The following ZNF738 variants were observed in gnomAD, a reference collection of about 807,000 sequenced individuals.
The protein encoded by ZNF738 is protein ZNF738.
ZNF738 carries 10 observed loss-of-function variants against 9.2 expected under a neutral mutation model. The ratio of observed to expected loss-of-function variants is 1.09; its 90% CI spans 0.67 to 1.85. The LOEUF is 1.85. Among genes scored for constraint, ZNF738 ranks in the 40% most tolerant of loss-of-function variants. The pLI is 0.00. For missense variants in ZNF738, 346 were observed against 283.6 expected, an observed-to-expected ratio of 1.22 and a Z score of -1.58; for synonymous variants, 113 against 94.5, an observed-to-expected ratio of 1.20 and a Z score of -1.14.
chr19:21,379,490 T>C (rs924478165), intron 4 of ZNF738, among the ~76,000 whole-genome samples: 2 of 152,188 alleles, frequency 1.3e-5, no homozygotes, highest in Non-Finnish European at 2.9e-5. Flanking sequence ...CAGTAATCAC[T>C]CACTGCACCT....
In ZNF738 at chr19:21,386,057, C is replaced by G. The variant is rs1201928556; in HGVS notation, c.*2383C>G. On this transcript the variant is annotated 3_prime_UTR_variant, in exon 5 of 5. Coordinates refer to ENST00000683779, the MANE Select transcript of ZNF738 (RefSeq NM_001355237.2). ...CAAAACTTTTTATAGATTCTCATACCTTATTAAACATAAAATCTTACAGGA... is the reference window on the plus strand; with the variant it reads ...CAAAACTTTTTATAGATTCTCATACGTTATTAAACATAAAATCTTACAGGA... 6.6e-6 allele frequency among the ~76,000 whole-genome samples: 1 copy of G among 152,098 alleles called. No individual in the cohort carries two copies. The highest frequency in any genetic ancestry group is 1.5e-5 in the Non-Finnish European group (1 of 68,030).
intron 2 of ZNF738, among the ~76,000 whole-genome samples, chr19:21,373,132 T>C (rs986270755): frequency 8.5e-5 from 13 of 152,142 alleles, no homozygotes; most frequent in African/African-American, 2.9e-4. Flanking sequence ...TCACATTACA[T>C]AAAGTGGGAC....
At position 21,386,446 on chromosome 19, in the gene ZNF738, AT is replaced by A. The variant is rs1468857079; in HGVS notation, c.*2773del. The A allele has an allele frequency of 9.5e-6, 3 of 315,680 alleles. No individual in the cohort carries two copies. Among genetic ancestry groups the A allele is most frequent in the Non-Finnish European group, 2.0e-5 (3 of 153,394 alleles). The allele number at this position is 315,680 out of a possible 1,614,324, so 19.6% of individuals were successfully genotyped here. On this transcript the variant is annotated 3_prime_UTR_variant, in exon 5 of 5. Coordinates refer to ENST00000683779, the MANE Select transcript of ZNF738 (RefSeq NM_001355237.2). ...ATGTGAAGGATGTGGTAAAGCCGTT[AT>A]CCAGTCCTCAACTCCCACTAAACAT... is the stretch of plus-strand genomic sequence containing the variant.
intron 2 of ZNF738, among the ~76,000 whole-genome samples, chr19:21,363,766 A>T (rs1263771366): frequency 6.6e-6 from 1 of 150,824 alleles, no homozygotes; most frequent in Non-Finnish European, 1.5e-5. Context: ...ATGGGTGCCT[A>T]TAATCCAGCT....
chr19:21,369,816 CTT>C (rs548346186), intron 2 of ZNF738, among the ~76,000 whole-genome samples: 12 of 138,168 alleles, frequency 8.7e-5, no homozygotes, highest in African/African-American at 1.1e-4. Context: ...CAGCTTCATT[CTT>C]TTTTTTTTTT....
chr19:21,381,385 T>C (rs1447090926), intron 4 of ZNF738: 2 of 1,526,880 alleles, frequency 1.3e-6, no homozygotes, highest in African/African-American at 1.4e-5. Context: ...GAATAACTTC[T>C]TCATCAGAAT....
At chr19:21,362,223 A>T (rs756765397) in intron 2 of ZNF738, among the ~76,000 whole-genome samples, 1 of 152,166 alleles carries the variant, frequency 6.6e-6, no homozygotes, top group Non-Finnish European at 1.5e-5. Flanking sequence ...GAACAAACAC[A>T]GTAATAACTT....
intron 2 of ZNF738, among the ~76,000 whole-genome samples, chr19:21,363,081 T>C (rs1973721015): frequency 6.6e-6 from 1 of 152,182 alleles, no homozygotes; most frequent in Non-Finnish European, 1.5e-5. Flanking sequence ...CCTGGAAGTG[T>C]TTCCATATGA....
chr19:21,377,879 AT>A (rs960190772), intron 4 of ZNF738: 32 of 380,916 alleles, frequency 8.4e-5, no homozygotes, highest in South Asian at 2.9e-4. Context: ...AGACTTACTA[AT>A]TTTTTTTGTT....
At chr19:21,373,830 C>G (rs1973890664) in intron 2 of ZNF738, among the ~76,000 whole-genome samples, 1 of 150,400 alleles carries the variant, frequency 6.6e-6, no homozygotes, top group African/African-American at 2.4e-5. Flanking sequence ...TGTGTCCACT[C>G]TGCCTCCTGG....
At chr19:21,365,319 C>T (rs1973761313) in intron 2 of ZNF738, among the ~76,000 whole-genome samples, 1 of 152,062 alleles carries the variant, frequency 6.6e-6, no homozygotes, top group Non-Finnish European at 1.5e-5. Context: ...TATCCTGTGA[C>T]TTAGAATGCC....
At chr19:21,360,410 T>C (rs1415457456) in intron 1 of ZNF738, 1 of 152,302 alleles carries the variant, frequency 6.6e-6, no homozygotes, top group African/African-American at 2.4e-5. Context: ...AAATGCCAGC[T>C]TTTCCTCCCT....
At chr19:21,372,988 G>A (rs944367717) in intron 2 of ZNF738, 141 of 152,180 alleles carry the variant, frequency 9.3e-4, no homozygotes, top group African/African-American at 3.1e-3. Context: ...ACAAGAGTGC[G>A]GCATGTAAAG....
chr19:21,359,795 T>C (rs1392025431), intron 1 of ZNF738, among the ~76,000 whole-genome samples: 1 of 152,136 alleles, frequency 6.6e-6, no homozygotes, highest in Non-Finnish European at 1.5e-5. Flanking sequence ...GAGAATGGCG[T>C]GAACCCAGGA....
At chr19:21,361,217 A>G (rs1019381472) in intron 1 of ZNF738, among the ~76,000 whole-genome samples, 2 of 151,080 alleles carry the variant, frequency 1.3e-5, no homozygotes, top group African/African-American at 2.4e-5. Flanking sequence ...GGCTCACCGC[A>G]ACTTCTGCCT....
rs1316901373 is a variant in ZNF738 at position 21,385,980 on chromosome 19, C to T, written c.*2306C>T. On this transcript the variant is annotated 3_prime_UTR_variant, in exon 5 of 5. Coordinates refer to ENST00000683779, the MANE Select transcript of ZNF738 (RefSeq NM_001355237.2). The stretch of plus-strand genomic sequence containing the variant: ...TTTAACCACTTCTCAACCCTGATGA[C>T]ACATAAGGTAATTCGTGCTGGAGAG... Among the ~76,000 whole-genome samples, 1 of 152,088 alleles carries T rather than the reference C, an allele frequency of 6.6e-6. No individual in the cohort carries two copies. The highest frequency in any genetic ancestry group is 2.4e-5 in the African/African-American group (1 of 41,412).
At chr19:21,368,339 A>T (rs1895524767) in intron 2 of ZNF738, among the ~76,000 whole-genome samples, 1 of 151,916 alleles carries the variant, frequency 6.6e-6, no homozygotes, top group African/African-American at 2.4e-5. Context: ...GGTGACATGC[A>T]TTTGGTTTTC....
At chr19:21,374,314 T>C (rs562561028) in intron 2 of ZNF738, among the ~76,000 whole-genome samples, 1 of 152,298 alleles carries the variant, frequency 6.6e-6, no homozygotes, top group South Asian at 2.1e-4. Flanking sequence ...TAAATTGTTA[T>C]TAAAAATTAC....
At chr19:21,381,454 G>T in intron 4 of ZNF738, 1 of 1,391,140 alleles carries the variant, frequency 7.2e-7, no homozygotes, top group East Asian at 2.3e-5. Context: ...CCCTGGTTTG[G>T]ACACCAACTT....
Sources: allele counts gnomAD v4.1 joint callset (sites outside exome capture counted in the v4.1 genomes callset), GRCh38; gene constraint gnomAD v4.1.1; transcripts MANE v1.5; gene names NCBI Gene and HGNC (gene_info 2026-07-23, HGNC 2026-07-21).